Variants in LHFPL3 observed in about 807,000 individuals in gnomAD.
LHFPL3 encodes LHFPL tetraspan subfamily member 3, also known as LHFPL tetraspan subfamily member 3 protein.
A neutral mutation model predicts 19.3 loss-of-function variants in LHFPL3; 5 were observed. The observed-to-expected ratio is 0.26, with a 90% confidence interval of 0.14 to 0.54. LHFPL3 has a LOEUF of 0.54. Among genes scored for constraint, LHFPL3 ranks in the 20% least tolerant of loss-of-function variants. LHFPL3 has a pLI of 0.94. For missense variants in LHFPL3, 249 were observed against 307.4 expected (o/e 0.81, Z 1.42); for synonymous variants, 133 against 126.2 (o/e 1.05, Z -0.36).
At chr7:104,441,357 A>G (rs890954853) in intron 1 of LHFPL3, among the ~76,000 whole-genome samples, 2 of 152,132 alleles carry the variant, frequency 1.3e-5, no homozygotes, top group African/African-American at 2.4e-5. Flanking sequence ...GGCTTGTTTC[A>G]TTTAGCATAA....
intron 1 of LHFPL3, among the ~76,000 whole-genome samples, chr7:104,517,290 C>G (rs1793938260): frequency 6.6e-6 from 1 of 151,772 alleles, no homozygotes; most frequent in African/African-American, 2.4e-5. Flanking sequence ...CCCCAAACTT[C>G]AAAGTTAAAT....
intron 1 of LHFPL3, among the ~76,000 whole-genome samples, chr7:104,335,258 A>G (rs1789772323): frequency 6.6e-6 from 1 of 152,170 alleles, no homozygotes; most frequent in South Asian, 2.1e-4. Flanking sequence ...CCAAGGAGTG[A>G]CCCTAAAGAG....
In LHFPL3 at chr7:104,855,511, T is replaced by A. The variant is rs534808991; in HGVS notation, c.683-50676T>A. 2.6e-5 allele frequency among the ~76,000 whole-genome samples: 4 copies of A among 152,232 alleles called. No homozygotes were observed. In the South Asian group the frequency reaches 8.3e-4, roughly 32 times the overall value. On this transcript the variant is annotated intron_variant, in intron 2 of 2. Coordinates refer to ENST00000424859, the MANE Select transcript of LHFPL3 (RefSeq NM_199000.3). ...CTTTCATCCAGAGGAGAAAATACAA[T>A]CCTCCTGAAATGTCAGACTAGAGAA... is the stretch of plus-strand genomic sequence containing the variant.
intron 1 of LHFPL3, among the ~76,000 whole-genome samples, chr7:104,438,925 A>G (rs1231603316): frequency 6.6e-6 from 1 of 152,218 alleles, no homozygotes; most frequent in Non-Finnish European, 1.5e-5. Context: ...CAGATTCTAG[A>G]GATTAAAAAG....
chr7:104,575,366 T>G (rs1414663703), intron 1 of LHFPL3, among the ~76,000 whole-genome samples: 1 of 152,086 alleles, frequency 6.6e-6, no homozygotes, highest in African/African-American at 2.4e-5. Flanking sequence ...TTGAGAAGAA[T>G]CAACCTCGAA....
intron 1 of LHFPL3, among the ~76,000 whole-genome samples, chr7:104,540,023 C>T (rs951523352): frequency 4.6e-5 from 7 of 151,942 alleles, no homozygotes; most frequent in Non-Finnish European, 8.8e-5. Flanking sequence ...AATGAGATCC[C>T]GCTGGAGAGT....
chr7:104,514,408 C>T (rs186595031), intron 1 of LHFPL3, among the ~76,000 whole-genome samples: 3 of 152,260 alleles, frequency 2.0e-5, no homozygotes, highest in African/African-American at 2.4e-5. Context: ...ATAAACTCCA[C>T]GAGGGAAGAA....
At chr7:104,888,349 A>T (rs1792187772) in intron 2 of LHFPL3, among the ~76,000 whole-genome samples, 1 of 152,040 alleles carries the variant, frequency 6.6e-6, no homozygotes, top group African/African-American at 2.4e-5. Context: ...TGGACAATAT[A>T]GCAAGACCCA....
intron 1 of LHFPL3, among the ~76,000 whole-genome samples, chr7:104,717,746 G>A (rs868087824): frequency 6.6e-6 from 1 of 152,236 alleles, no homozygotes; most frequent in South Asian, 2.1e-4. Context: ...CTATATGGCA[G>A]TTCCTCAAAA....
At position 104,614,676 on chromosome 7, in the gene LHFPL3, CTTCCTTCTTTCTTTCT is replaced by C. The variant is rs1436302152; in HGVS notation, c.446-121995_446-121980del. Among the ~76,000 whole-genome samples the C allele has an allele frequency of 6.2e-3, 600 of 97,348 alleles. 6 individuals carry two copies. Among genetic ancestry groups the C allele is most frequent in the African/African-American group, 0.015 (411 of 27,286 alleles). The allele number at this position is 97,348 out of a possible 152,430, so 63.9% of individuals were successfully genotyped here. ...CTCTCCTTCCTTCCTTCCTTCCTTC[CTTCCTTCTTTCTTTCT>C]TTCTTTCTTTCTTTCTTTCTTTCTT... is the stretch of plus-strand genomic sequence containing the variant. On this transcript the variant is annotated intron_variant, in intron 1 of 2. Transcript: ENST00000424859.
chr7:104,437,418 C>T (rs1042051628), intron 1 of LHFPL3, among the ~76,000 whole-genome samples: 1 of 152,164 alleles, frequency 6.6e-6, no homozygotes, highest in Non-Finnish European at 1.5e-5. Flanking sequence ...CTCTGATGAA[C>T]AACAACGGGG....
chr7:104,748,933 CG>C (rs1302870133), intron 2 of LHFPL3, among the ~76,000 whole-genome samples: 1 of 152,198 alleles, frequency 6.6e-6, no homozygotes, highest in Admixed American at 6.5e-5. Flanking sequence ...TATTTATTTG[CG>C]CTGACTGAAT....
chr7:104,522,956 C>G (rs1015974762), intron 1 of LHFPL3, among the ~76,000 whole-genome samples: 1 of 131,400 alleles, frequency 7.6e-6, no homozygotes, highest in East Asian at 2.3e-4. Context: ...CTGTCTGTCT[C>G]TCTCTCTATA....
chr7:104,718,030 A>G (rs1793422412), intron 1 of LHFPL3, among the ~76,000 whole-genome samples: 1 of 152,194 alleles, frequency 6.6e-6, no homozygotes, highest in South Asian at 2.1e-4. Context: ...TCTTGAGGAC[A>G]TTATGCTAAG....
chr7:104,574,426 A>T (rs1213567122), intron 1 of LHFPL3, among the ~76,000 whole-genome samples: 1 of 152,212 alleles, frequency 6.6e-6, no homozygotes, highest in East Asian at 1.9e-4. Flanking sequence ...AGAGGGGCTT[A>T]TTCAGAAAGC....
intron 2 of LHFPL3, among the ~76,000 whole-genome samples, chr7:104,787,604 G>A (rs1373975879): frequency 6.6e-6 from 1 of 152,200 alleles, no homozygotes; most frequent in Non-Finnish European, 1.5e-5. Context: ...AAGCTGGAGT[G>A]CAGTGGCACA....
chr7:104,788,412 C>T (rs989755249), intron 2 of LHFPL3, among the ~76,000 whole-genome samples: 1 of 152,194 alleles, frequency 6.6e-6, no homozygotes, highest in Non-Finnish European at 1.5e-5. Context: ...CTTCACACAC[C>T]ATTTCACACT....
intron 1 of LHFPL3, among the ~76,000 whole-genome samples, chr7:104,438,159 G>C (rs546975594): frequency 6.6e-6 from 1 of 152,312 alleles, no homozygotes; most frequent in South Asian, 2.1e-4. Flanking sequence ...AGTTTTAGGA[G>C]CTCTGTGCCA....
At chr7:104,548,557 T>A in intron 1 of LHFPL3, among the ~76,000 whole-genome samples, 2 of 152,022 alleles carry the variant, frequency 1.3e-5, no homozygotes, top group East Asian at 3.8e-4. Flanking sequence ...TAAAATAGAG[T>A]ATTATATAAA....
Sources: gnomAD v4.1 joint callset for allele counts (sites outside exome capture counted in the v4.1 genomes callset) on GRCh38, gnomAD v4.1.1 for gene constraint, MANE v1.5 for transcripts, NCBI Gene and HGNC (gene_info 2026-07-23, HGNC 2026-07-21) for gene names.